Variants in CCDC60 observed in about 807,000 individuals in gnomAD.
CCDC60 encodes the protein coiled-coil domain containing 60.
In CCDC60, 54 loss-of-function variants were observed where a neutral mutation model predicts 63.5. The ratio of observed to expected loss-of-function variants is 0.85; its 90% CI spans 0.68 to 1.07. The LOEUF (loss-of-function observed/expected upper bound fraction) is 1.07, where lower values mean the gene tolerates loss of function less well. CCDC60 is among the 50% of genes least tolerant of loss of function. The probability of loss-of-function intolerance (pLI) is 0.00; values close to 1 mark genes in which losing one functional copy is unlikely to be tolerated. For missense variants in CCDC60, 651 were observed against 684.3 expected, an observed-to-expected ratio of 0.95 and a Z score of 0.54; for synonymous variants, 206 against 238.8, an observed-to-expected ratio of 0.86 and a Z score of 1.27.
At chr12:119,460,367 A>G (rs1353975157) in intron 2 of CCDC60, among the ~76,000 whole-genome samples, 4 of 152,180 alleles carry the variant, frequency 2.6e-5, no homozygotes, top group Non-Finnish European at 5.9e-5. Context: ...TTTTTTGCAC[A>G]TTTTATCATC....
chr12:119,419,070 G>A (rs1179358150), intron 1 of CCDC60, among the ~76,000 whole-genome samples: 1 of 152,214 alleles, frequency 6.6e-6, no homozygotes, highest in East Asian at 1.9e-4. Flanking sequence ...TCTGCCTTGT[G>A]CTTGGGCTCA....
At chr12:119,521,790 T>C (rs1223163245) in intron 9 of CCDC60, among the ~76,000 whole-genome samples, 1 of 152,156 alleles carries the variant, frequency 6.6e-6, no homozygotes, top group East Asian at 1.9e-4. Context: ...AAGAGAGCCA[T>C]CTACAGGAGG....
At chr12:119,461,085 C>T (rs1950849107) in intron 2 of CCDC60, among the ~76,000 whole-genome samples, 1 of 152,058 alleles carries the variant, frequency 6.6e-6, no homozygotes, top group Non-Finnish European at 1.5e-5. Flanking sequence ...CACATTCCAG[C>T]TGTTATGACC....
At chr12:119,369,378 A>T (rs1371860715) in intron 1 of CCDC60, among the ~76,000 whole-genome samples, 1 of 152,116 alleles carries the variant, frequency 6.6e-6, no homozygotes, top group Non-Finnish European at 1.5e-5. Context: ...TTCCTGGGGG[A>T]TGGGGGAAGC....
intron 1 of CCDC60, among the ~76,000 whole-genome samples, chr12:119,348,667 A>G (rs754075148): frequency 1.3e-5 from 2 of 152,164 alleles, no homozygotes; most frequent in Non-Finnish European, 2.9e-5. Flanking sequence ...GCTAAGGTTG[A>G]TTTGTGATTG....
intron 2 of CCDC60, among the ~76,000 whole-genome samples, chr12:119,455,924 A>C (rs1950723771): frequency 1.3e-5 from 1 of 74,488 alleles, no homozygotes; most frequent in African/African-American, 6.1e-5. Context: ...GAAGGAGGAA[A>C]GAAAGAAAGA....
chr12:119,432,806 C>A (rs1488054496), intron 2 of CCDC60, among the ~76,000 whole-genome samples: 1 of 152,094 alleles, frequency 6.6e-6, no homozygotes, highest in Non-Finnish European at 1.5e-5. Flanking sequence ...AATTGCAAAC[C>A]GATCGTTAAA....
At chr12:119,463,591 G>A (rs997538687) in intron 2 of CCDC60, among the ~76,000 whole-genome samples, 2 of 152,262 alleles carry the variant, frequency 1.3e-5, no homozygotes, top group Admixed American at 1.3e-4. Flanking sequence ...GATCAGGAGA[G>A]TGAGGCACAA....
chr12:119,444,621 A>C (rs1267922405), intron 2 of CCDC60, among the ~76,000 whole-genome samples: 1 of 152,184 alleles, frequency 6.6e-6, no homozygotes, highest in African/African-American at 2.4e-5. Context: ...TGTGTCCTCC[A>C]CTGCCATTGC....
At chr12:119,489,587 C>T (rs939852622) in intron 5 of CCDC60, among the ~76,000 whole-genome samples, 1 of 152,206 alleles carries the variant, frequency 6.6e-6, no homozygotes, top group Non-Finnish European at 1.5e-5. Flanking sequence ...AAAGAACAGA[C>T]AGGCATGTAA....
At chr12:119,356,736 G>A (rs948559524) in intron 1 of CCDC60, among the ~76,000 whole-genome samples, 1 of 152,078 alleles carries the variant, frequency 6.6e-6, no homozygotes, top group East Asian at 1.9e-4. Context: ...TTCACTTCAG[G>A]TTTGCAACAA....
chr12:119,344,212 T>C (rs116997818), intron 1 of CCDC60, among the ~76,000 whole-genome samples: 8 of 152,186 alleles, frequency 5.3e-5, no homozygotes, highest in South Asian at 2.1e-4. Context: ...AGCCTCCCCA[T>C]GGTGACAACG....
intron 1 of CCDC60, among the ~76,000 whole-genome samples, chr12:119,406,951 A>G (rs1956504049): frequency 6.6e-6 from 1 of 152,212 alleles, no homozygotes; most frequent in Non-Finnish European, 1.5e-5. Context: ...TACAGCATTC[A>G]ATGTTCATAA....
chr12:119,398,216 T>C (rs371334258), intron 1 of CCDC60, among the ~76,000 whole-genome samples: 19 of 150,424 alleles, frequency 1.3e-4, no homozygotes, highest in East Asian at 6.0e-4. Context: ...TGGCAAGAAT[T>C]TGAGTGCGGT....
chr12:119,461,919 C>T (rs980106111), intron 2 of CCDC60, among the ~76,000 whole-genome samples: 1 of 152,166 alleles, frequency 6.6e-6, no homozygotes, highest in Non-Finnish European at 1.5e-5. Flanking sequence ...TGGGCCTCCG[C>T]GGTATCAAGG....
At chr12:119,449,782 G>C (rs538610217) in intron 2 of CCDC60, among the ~76,000 whole-genome samples, 1 of 152,102 alleles carries the variant, frequency 6.6e-6, no homozygotes, top group East Asian at 1.9e-4. Context: ...AGAGACCAGG[G>C]GTGTCTAACC....
At chr12:119,436,461 A>G (rs966297000) in intron 2 of CCDC60, among the ~76,000 whole-genome samples, 18 of 152,006 alleles carry the variant, frequency 1.2e-4, no homozygotes, top group Admixed American at 5.9e-4. Flanking sequence ...TTAAGGAAAG[A>G]TGGAGAAGAA....
chr12:119,483,634 GA>G (rs200129971), intron 4 of CCDC60, among the ~76,000 whole-genome samples: 6 of 150,894 alleles, frequency 4.0e-5, no homozygotes, highest in South Asian at 2.1e-4. Context: ...TCTTGTAAAA[GA>G]AAAAAAAATG....
intron 1 of CCDC60, among the ~76,000 whole-genome samples, chr12:119,355,551 A>G (rs751419792): frequency 6.6e-6 from 1 of 152,214 alleles, no homozygotes; most frequent in Non-Finnish European, 1.5e-5. Context: ...ACGAGCCTCA[A>G]AATTGGGGCT....
Sources: gnomAD v4.1 joint callset for allele counts (sites outside exome capture counted in the v4.1 genomes callset) on GRCh38, gnomAD v4.1.1 for gene constraint, MANE v1.5 for transcripts, NCBI Gene and HGNC (gene_info 2026-07-23, HGNC 2026-07-21) for gene names.